The following SNCB variants were observed in gnomAD, a reference collection of about 807,000 sequenced individuals.
SNCB encodes the protein beta-synuclein.
SNCB carries 8 observed loss-of-function variants against 20.0 expected under a neutral mutation model. The ratio of observed to expected loss-of-function variants is 0.40; its 90% CI spans 0.24 to 0.72. The LOEUF is 0.72. SNCB is among the 30% of genes least tolerant of loss of function. The pLI, the probability that SNCB is intolerant of heterozygous loss-of-function variation, is 0.37. For synonymous variants in SNCB, 56 were observed against 65.4 expected (o/e 0.86, Z 0.69); for missense variants, 125 against 168.0 (o/e 0.74, Z 1.41).
rs989331362 is a variant in SNCB at position 176,626,052 on chromosome 5, C to G, written c.282+346G>C. 6.6e-6 allele frequency among the ~76,000 whole-genome samples: 1 copy of G among 152,202 alleles called. No individual in the cohort carries two copies. The highest frequency in any genetic ancestry group is 2.4e-5 in the African/African-American group (1 of 41,444). ...CGGCAGCCTCTACAACAATTCCTCT[C>G]TGGCATGGATATTTGTTGAATGAAA... On this transcript the variant is annotated intron_variant, in intron 4 of 5. Coordinates refer to ENST00000393693, the MANE Select transcript of SNCB (RefSeq NM_003085.5). This position sits in a 1 kb window ranked among gnomAD's most constrained non-coding sequence, Gnocchi z 4.2.
At chr5:176,623,092 C>T (rs1203124648) in intron 4 of SNCB, among the ~76,000 whole-genome samples, 1 of 152,028 alleles carries the variant, frequency 6.6e-6, no homozygotes, top group Non-Finnish European at 1.5e-5. Context: ...TGATAGAAGC[C>T]AGGAAGCAAG....
At position 176,626,897 on chromosome 5, in the gene SNCB, C is replaced by A; in HGVS notation, c.122-136G>T. 1.1e-6 allele frequency: 1 copy of A among 874,832 alleles called. No individual in the cohort carries two copies. The highest frequency in any genetic ancestry group is 1.9e-6 in the Non-Finnish European group (1 of 523,932). 54.2% of individuals were successfully genotyped at this position (874,832 alleles called of 1,614,324 possible). The stretch of plus-strand genomic sequence containing the variant: ...GGGTCCCCACATCCTACAACCTGCA[C>A]CCCCATGTTAACCCCCGTCTTATCA... On this transcript the variant is annotated intron_variant, in intron 2 of 5. Coordinates refer to ENST00000393693, the MANE Select transcript of SNCB (RefSeq NM_003085.5). This position sits in a 1 kb window ranked among gnomAD's most constrained non-coding sequence, Gnocchi z 4.2.
At position 176,621,014 on chromosome 5, in the gene SNCB, G is replaced by T. The variant is rs894673716; in HGVS notation, c.373-171C>A. Among the ~76,000 whole-genome samples, 8 of 152,116 alleles carry T rather than the reference G, an allele frequency of 5.3e-5. No homozygotes were observed. The highest frequency in any genetic ancestry group is 9.7e-5 in the African/African-American group (4 of 41,406). On this transcript the variant is annotated intron_variant, in intron 5 of 5. Coordinates refer to ENST00000393693, the MANE Select transcript of SNCB (RefSeq NM_003085.5). This position sits in a 1 kb window ranked among gnomAD's most constrained non-coding sequence, Gnocchi z 4.1. ...AGTTGGGGACAACAGAGAATTCTTG[G>T]GCAGGTGTGCCTGGGGCCCAGCGCT...
intron 2 of SNCB, among the ~76,000 whole-genome samples, chr5:176,627,565 G>T (rs143172589): frequency 1.3e-5 from 2 of 152,214 alleles, no homozygotes; most frequent in East Asian, 3.9e-4. Context: ...GATGAGAGAC[G>T]GAAACGGGGT....
At chr5:176,627,305 A>G (rs568959690) in intron 2 of SNCB, among the ~76,000 whole-genome samples, 1 of 152,168 alleles carries the variant, frequency 6.6e-6, no homozygotes, top group Non-Finnish European at 1.5e-5. Flanking sequence ...CTCGTGCCCC[A>G]TGCACCACTG....
chr5:176,627,652 G>A (rs1256289932), intron 2 of SNCB, among the ~76,000 whole-genome samples: 3 of 138,500 alleles, frequency 2.2e-5, no homozygotes, highest in African/African-American at 7.6e-5. Flanking sequence ...GGCAGACTGA[G>A]CCCGGCGGGG....
chr5:176,620,457 G>A lies in SNCB; in HGVS notation c.*354C>T. On this transcript the variant is annotated 3_prime_UTR_variant, in exon 6 of 6. Coordinates refer to ENST00000393693, the MANE Select transcript of SNCB (RefSeq NM_003085.5). The surrounding 1 kb of genome is among the most constrained non-coding windows in gnomAD (Gnocchi z 4.5). ...CGGGGTGCTCTGGGGCTGCCCGGGG[G>A]CCGCTTGGAGAGCCACTGTCGGGGA... The A allele has an allele frequency of 3.0e-6, 1 of 337,456 alleles. No homozygotes were observed. Among genetic ancestry groups the A allele is most frequent in the Non-Finnish European group, 5.5e-6 (1 of 182,478 alleles). 20.9% of individuals were successfully genotyped at this position (337,456 alleles called of 1,614,324 possible).
intron 4 of SNCB, among the ~76,000 whole-genome samples, chr5:176,622,110 T>C (rs1001256148): frequency 3.3e-5 from 5 of 152,234 alleles, no homozygotes; most frequent in African/African-American, 1.2e-4. Flanking sequence ...CCTGACCACG[T>C]CTGCACCCTG....
Position 176,629,554 on chromosome 5 carries a change from TTGG to T in SNCB, c.98_100del (p.Thr33del). 6.2e-7 allele frequency: 1 copy of T among 1,610,120 alleles called. No individual in the cohort carries two copies. Among genetic ancestry groups the T allele is most frequent in the Admixed American group, 1.7e-5 (1 of 59,786 alleles). ...CCCACCGACGTAGAGGACGCCCTCC[TTGG>T]TCTTCTCCGCCGCCTCGGTGACCCC... On this transcript the variant is annotated inframe_deletion, in exon 2 of 6. Coordinates refer to ENST00000393693, the MANE Select transcript of SNCB (RefSeq NM_003085.5). This position sits in a 1 kb window ranked among gnomAD's most constrained non-coding sequence, Gnocchi z 4.1.
rs2113404300 is a variant in SNCB at position 176,626,862 on chromosome 5, C to A, written c.122-101G>T. The A allele has an allele frequency of 2.4e-6, 3 of 1,274,082 alleles. No individual in the cohort carries two copies. Among genetic ancestry groups the A allele is most frequent in the East Asian group, 2.3e-5 (1 of 43,364 alleles). The allele number at this position is 1,274,082 out of a possible 1,614,324, so 78.9% of individuals were successfully genotyped here. On this transcript the variant is annotated intron_variant, in intron 2 of 5. Transcript: ENST00000393693. This position sits in a 1 kb window ranked among gnomAD's most constrained non-coding sequence, Gnocchi z 4.2. ...CAGAGTGGGCATCCTGGCCCCGTCA[C>A]TGCCTCCTTGGGTCCCCACATCCTA...
At chr5:176,623,615 G>A (rs1002685028) in intron 4 of SNCB, among the ~76,000 whole-genome samples, 1 of 152,154 alleles carries the variant, frequency 6.6e-6, no homozygotes, top group African/African-American at 2.4e-5. Flanking sequence ...GTCCTGGGGG[G>A]TAGTGTTCTG....
In SNCB at chr5:176,620,592, C is replaced by T. The variant is rs1759516612; in HGVS notation, c.*219G>A. ...ACACTGGAGGGGCGAGGCTCCCAGC[C>T]GCGACCGCAACCCTGGCCCTGTCCA... On this transcript the variant is annotated 3_prime_UTR_variant, in exon 6 of 6. Coordinates refer to ENST00000393693, the MANE Select transcript of SNCB (RefSeq NM_003085.5). The surrounding 1 kb of genome is among the most constrained non-coding windows in gnomAD (Gnocchi z 4.5). 1 of 601,006 alleles carries T rather than the reference C, an allele frequency of 1.7e-6. No homozygotes were observed. Among genetic ancestry groups the T allele is most frequent in the Non-Finnish European group, 3.0e-6 (1 of 337,134 alleles). The allele number at this position is 601,006 out of a possible 1,614,324, so 37.2% of individuals were successfully genotyped here.
At chr5:176,625,559 A>C (rs1581171373) in intron 4 of SNCB, among the ~76,000 whole-genome samples, 1 of 152,344 alleles carries the variant, frequency 6.6e-6, no homozygotes, top group Non-Finnish European at 1.5e-5. Context: ...GTTAGGATTC[A>C]AACCCAGCTG....
chr5:176,630,255 C>T (rs1311599045), intron 1 of SNCB, 25 bp downstream of exon 1: 1 of 152,486 alleles, frequency 6.6e-6, no homozygotes, highest in East Asian at 1.9e-4. Context: ...TCCCGTTCCC[C>T]ATCCCCGGCG....
intron 4 of SNCB, among the ~76,000 whole-genome samples, chr5:176,624,445 A>G (rs568085020): frequency 9.2e-5 from 14 of 152,370 alleles, no homozygotes; most frequent in Admixed American, 7.2e-4. Context: ...CATCTAGGAC[A>G]GTGCCTGCTC....
chr5:176,622,682 T>C lies in SNCB; in HGVS notation c.283-1379A>G, dbSNP rs984362900. Among the ~76,000 whole-genome samples the C allele has an allele frequency of 2.7e-5, 4 of 150,124 alleles. No homozygotes were observed. The South Asian group carries it at 6.3e-4, about 24-fold the overall frequency. On this transcript the variant is annotated intron_variant, in intron 4 of 5. Coordinates refer to ENST00000393693, the MANE Select transcript of SNCB (RefSeq NM_003085.5). ...GGGCTGAGTCTCACAAGCTTCCTGA[T>C]GAATGGAGGAAGCCAGATACAGAAC...
rs1759993385 is a variant in SNCB at position 176,626,877 on chromosome 5, C to T, written c.122-116G>A. 1 of 1,057,876 alleles carries T rather than the reference C, an allele frequency of 9.5e-7. No individual in the cohort carries two copies. The highest frequency in any genetic ancestry group is 1.6e-5 in the African/African-American group (1 of 64,244). 65.5% of individuals were successfully genotyped at this position (1,057,876 alleles called of 1,614,324 possible). On this transcript the variant is annotated intron_variant, in intron 2 of 5. Transcript: ENST00000393693. This position sits in a 1 kb window ranked among gnomAD's most constrained non-coding sequence, Gnocchi z 4.2. ...GGCCCCGTCACTGCCTCCTTGGGTCCCCACATCCTACAACCTGCACCCCCA... is the reference window on the plus strand; with the variant it reads ...GGCCCCGTCACTGCCTCCTTGGGTCTCCACATCCTACAACCTGCACCCCCA...
Position 176,620,908 on chromosome 5 carries a change from G to A in SNCB, c.373-65C>T. The stretch of plus-strand genomic sequence containing the variant: ...AAGGAGGAGGAGTTTGAGACCAAGT[G>A]GCCAAGCCCCGGCCCAAGAACCCTC... On this transcript the variant is annotated intron_variant, in intron 5 of 5. Transcript: ENST00000393693. The surrounding 1 kb of genome is among the most constrained non-coding windows in gnomAD (Gnocchi z 4.5). The A allele has an allele frequency of 6.2e-6, 9 of 1,442,124 alleles. No homozygotes were observed. The South Asian group carries it at 1.0e-4, about 16-fold the overall frequency. The allele number at this position is 1,442,124 out of a possible 1,614,324, so 89.3% of individuals were successfully genotyped here. A position where few individuals can be genotyped will look rare whatever the true frequency, so the allele number is the denominator to read the frequency against.
chr5:176,625,575 GGGGGT>G (rs1400458309), intron 4 of SNCB, among the ~76,000 whole-genome samples: 2 of 152,176 alleles, frequency 1.3e-5, no homozygotes, highest in African/African-American at 4.8e-5. Flanking sequence ...AGCTGAGGCT[GGGGGT>G]AGGTGGGTTC....
Sources: gnomAD v4.1 joint callset for allele counts (sites outside exome capture counted in the v4.1 genomes callset) on GRCh38, gnomAD v4.1.1 for gene constraint, Gnocchi (gnomAD v3.1) non-coding constraint, MANE v1.5 for transcripts, NCBI Gene and HGNC (gene_info 2026-07-23, HGNC 2026-07-21) for gene names.